Variants in TLE1 observed in about 807,000 individuals in gnomAD.
TLE1 encodes TLE family member 1, transcriptional corepressor.
In TLE1, 21 loss-of-function variants were observed where a neutral mutation model predicts 89.8. That is an observed-to-expected ratio of 0.23 (90% CI 0.17 to 0.34). TLE1 has a LOEUF of 0.34. Among genes scored for constraint, TLE1 ranks in the 10% least tolerant of loss-of-function variants. The pLI is 1.00. For synonymous variants in TLE1, 447 were observed against 407.6 expected, an observed-to-expected ratio of 1.10 and a Z score of -1.16; for missense variants, 795 against 1,031.2, an observed-to-expected ratio of 0.77 and a Z score of 3.14.
chr9:81,617,403 G>A (rs1399780921), intron 9 of TLE1, among the ~76,000 whole-genome samples: 3 of 152,092 alleles, frequency 2.0e-5, no homozygotes, highest in East Asian at 1.9e-4. Flanking sequence ...GAAAAGATTC[G>A]GAAAAGCTGT....
chr9:81,587,922 G>GCC, intron 16 of TLE1, 94 bp from the exon 17 acceptor site: 3 of 1,014,444 alleles, frequency 3.0e-6, no homozygotes, highest in Non-Finnish European at 4.1e-6. Context: ...GTGTGTGTGT[G>GCC]TGTGTGTGTG....
At chr9:81,617,044 CTTTAA>C (rs1007173818) in intron 9 of TLE1, among the ~76,000 whole-genome samples, 5 of 149,258 alleles carry the variant, frequency 3.3e-5, no homozygotes, top group Admixed American at 6.7e-5. Context: ...GGGATGAAAT[CTTTAA>C]TTTGAGATCT....
intron 6 of TLE1, among the ~76,000 whole-genome samples, chr9:81,635,306 G>A (rs1435681352): frequency 6.6e-6 from 1 of 152,160 alleles, no homozygotes; most frequent in Non-Finnish European, 1.5e-5. Context: ...CGTGGATGAG[G>A]AAAGCACTTA....
chr9:81,651,099 G>A (rs1282620231), intron 6 of TLE1, among the ~76,000 whole-genome samples: 1 of 152,118 alleles, frequency 6.6e-6, no homozygotes, highest in East Asian at 1.9e-4. Context: ...ATTGGACTAT[G>A]GCACTCTTAA....
At chr9:81,596,684 G>C (rs1830261534) in intron 14 of TLE1, among the ~76,000 whole-genome samples, 2 of 152,130 alleles carry the variant, frequency 1.3e-5, no homozygotes, top group Non-Finnish European at 2.9e-5. Context: ...ACAAAATAAT[G>C]GACATGGAAA....
At chr9:81,637,329 G>A (rs1026209725) in intron 6 of TLE1, among the ~76,000 whole-genome samples, 1 of 152,204 alleles carries the variant, frequency 6.6e-6, no homozygotes, top group Non-Finnish European at 1.5e-5. Flanking sequence ...CTGCACTCCA[G>A]CCTGGGTGAC....
intron 14 of TLE1, among the ~76,000 whole-genome samples, chr9:81,609,079 C>CTCCTT (rs1314462759): frequency 3.3e-5 from 5 of 151,156 alleles, no homozygotes; most frequent in Non-Finnish European, 7.4e-5. Flanking sequence ...TTCCTCTCCT[C>CTCCTT]TCCTTTCCTT....
chr9:81,639,676 G>A (rs1194568757), intron 6 of TLE1, among the ~76,000 whole-genome samples: 5 of 141,806 alleles, frequency 3.5e-5, no homozygotes, highest in East Asian at 2.4e-4. Flanking sequence ...TCCACCTCCC[G>A]GGTTCAAGCT....
At chr9:81,595,105 T>C (rs539322280) in intron 14 of TLE1, among the ~76,000 whole-genome samples, 1 of 152,200 alleles carries the variant, frequency 6.6e-6, no homozygotes, top group Non-Finnish European at 1.5e-5. Flanking sequence ...CCATGGAGAC[T>C]GTCCTGGGGA....
intron 4 of TLE1, among the ~76,000 whole-genome samples, chr9:81,668,103 C>T (rs1355909126): frequency 2.6e-5 from 4 of 151,188 alleles, no homozygotes; most frequent in South Asian, 4.2e-4. Flanking sequence ...AGACGGAGGT[C>T]GCGATGAGCC....
intron 4 of TLE1, among the ~76,000 whole-genome samples, chr9:81,668,386 G>GTA (rs764953567): frequency 3.0e-4 from 46 of 152,270 alleles, no homozygotes; most frequent in Non-Finnish European, 4.4e-4. Context: ...ATTATTTTAA[G>GTA]TATTTAGAAG....
chr9:81,667,723 C>G lies in TLE1; in HGVS notation c.235-13687G>C, dbSNP rs372696198. Among the ~76,000 whole-genome samples the G allele has an allele frequency of 6.2e-3, 932 of 150,598 alleles. 11 individuals carry two copies. The highest frequency in any genetic ancestry group is 0.022 in the African/African-American group (879 of 40,840). On this transcript the variant is annotated intron_variant, in intron 4 of 19. Transcript: ENST00000376499. ...CCTTGAGCTGTATTCCTGCTCCCCC[C>G]CAAGCTGAGTGGCTGGGGAGAGGTG...
chr9:81,687,576 C>A (rs1040453025), intron 1 of TLE1, 142 bp from the exon 2 acceptor site: 4 of 623,158 alleles, frequency 6.4e-6, no homozygotes, highest in African/African-American at 3.6e-5. Context: ...TCGAGTTTGC[C>A]CTTCACTATG....
At chr9:81,686,438 C>T (rs964207427) in intron 2 of TLE1, among the ~76,000 whole-genome samples, 1 of 152,154 alleles carries the variant, frequency 6.6e-6, no homozygotes, top group Non-Finnish European at 1.5e-5. Flanking sequence ...TGGGTAAACA[C>T]GGTGTGTGCA....
chr9:81,648,581 T>C (rs896072784), intron 6 of TLE1, among the ~76,000 whole-genome samples: 2 of 152,188 alleles, frequency 1.3e-5, no homozygotes, highest in South Asian at 2.1e-4. Flanking sequence ...AAGAGAACAA[T>C]AATTATTTAA....
At chr9:81,682,919 C>T (rs990848837) in intron 4 of TLE1, among the ~76,000 whole-genome samples, 1 of 152,190 alleles carries the variant, frequency 6.6e-6, no homozygotes, top group African/African-American at 2.4e-5. Flanking sequence ...TTTTCGGTAA[C>T]CCGCCACAAA....
chr9:81,683,973 C>T (rs1458666706), intron 4 of TLE1, among the ~76,000 whole-genome samples: 4 of 152,058 alleles, frequency 2.6e-5, no homozygotes, highest in African/African-American at 9.7e-5. Context: ...CCTCTTTTAG[C>T]TCCTCCAATA....
intron 14 of TLE1, among the ~76,000 whole-genome samples, chr9:81,607,544 T>C (rs1831854285): frequency 6.6e-6 from 1 of 152,222 alleles, no homozygotes; most frequent in African/African-American, 2.4e-5. Flanking sequence ...AAGGATCAGC[T>C]GAACTTGGCC....
intron 14 of TLE1, among the ~76,000 whole-genome samples, chr9:81,605,205 G>A (rs1021623561): frequency 1.3e-5 from 2 of 152,128 alleles, no homozygotes; most frequent in African/African-American, 4.8e-5. Flanking sequence ...CTGGACACAT[G>A]AGTTTGTCCT....
Sources: gnomAD v4.1 joint callset for allele counts (sites outside exome capture counted in the v4.1 genomes callset) on GRCh38, gnomAD v4.1.1 for gene constraint, MANE v1.5 for transcripts, NCBI Gene and HGNC (gene_info 2026-07-23, HGNC 2026-07-21) for gene names.